SNX1: variants seen among roughly 807,000 people sequenced by gnomAD.
SNX1 encodes sorting nexin 1.
SNX1 carries 36 observed loss-of-function variants against 71.8 expected under a neutral mutation model. The ratio of observed to expected loss-of-function variants is 0.50; its 90% CI spans 0.38 to 0.66. The LOEUF is 0.66. SNX1 is among the 30% of genes least tolerant of loss of function. SNX1 has a pLI of 0.00. For missense variants in SNX1, 612 were observed against 646.7 expected (o/e 0.95, Z 0.58); for synonymous variants, 254 against 240.7 (o/e 1.06, Z -0.51).
intron 8 of SNX1, among the ~76,000 whole-genome samples, chr15:64,128,955 A>G (rs142042109): frequency 9.8e-4 from 149 of 152,238 alleles, no homozygotes; most frequent in African/African-American, 3.4e-3. Flanking sequence ...CAAGTTTAGA[A>G]CTACTGCCAG....
intron 1 of SNX1, among the ~76,000 whole-genome samples, chr15:64,110,946 G>C (rs2081072066): frequency 6.6e-6 from 1 of 152,122 alleles, no homozygotes; most frequent in African/African-American, 2.4e-5. Flanking sequence ...TTTTTAAATG[G>C]CTAAATTCTA....
At chr15:64,137,493 C>A in intron 14 of SNX1, 75 bp from the exon 15 acceptor site, 1 of 1,570,254 alleles carries the variant, frequency 6.4e-7, no homozygotes, top group Non-Finnish European at 8.7e-7. Flanking sequence ...GGGTACTGTG[C>A]TTGATTCCTC....
intron 1 of SNX1, among the ~76,000 whole-genome samples, chr15:64,105,987 A>T (rs2081017079): frequency 1.3e-5 from 2 of 152,236 alleles, no homozygotes; most frequent in Non-Finnish European, 2.9e-5. Flanking sequence ...GAAATAAAAT[A>T]CATTAAAATA....
intron 2 of SNX1, among the ~76,000 whole-genome samples, chr15:64,113,518 C>A (rs995457913): frequency 3.3e-5 from 5 of 152,110 alleles, no homozygotes; most frequent in Admixed American, 2.0e-4. Context: ...GTTGAAAAAA[C>A]CCTGTCTAAA....
At chr15:64,110,734 G>A (rs527725522) in intron 1 of SNX1, among the ~76,000 whole-genome samples, 34 of 152,306 alleles carry the variant, frequency 2.2e-4, no homozygotes, top group African/African-American at 6.5e-4. Context: ...GTTAGGTGGA[G>A]GAAGAGAGGT....
rs1320414109 is a variant in SNX1, at chr15:64,142,692, C to G, written c.*5074C>G. The stretch of plus-strand genomic sequence containing the variant: ...GATAAAAGGTATGGAACCTGCTTTC[C>G]CCTTGGCTAGTTCAGCGTTTGGGCT... On this transcript the variant is annotated 3_prime_UTR_variant, in exon 15 of 15. Transcript: ENST00000559844. The G allele has an allele frequency of 4.4e-6, 2 of 455,932 alleles. No individual in the cohort carries two copies. Among genetic ancestry groups the G allele is most frequent in the South Asian group, 1.5e-5 (1 of 64,538 alleles). The allele number at this position is 455,932 out of a possible 1,614,324, so 28.2% of individuals were successfully genotyped here.
At chr15:64,137,044 CTCCTAT>C in intron 14 of SNX1, 112 bp downstream of exon 14, 1 of 757,744 alleles carries the variant, frequency 1.3e-6, no homozygotes, top group Non-Finnish European at 2.2e-6. Flanking sequence ...GGGCTGGGCC[CTCCTAT>C]AGTCCATCAT....
chr15:64,107,184 AT>A (rs1262787719), intron 1 of SNX1, among the ~76,000 whole-genome samples: 1 of 152,066 alleles, frequency 6.6e-6, no homozygotes, highest in African/African-American at 2.4e-5. Flanking sequence ...AAATATACTA[AT>A]TTTCCCTCAA....
chr15:64,099,788 T>C (rs1328609645), intron 1 of SNX1, among the ~76,000 whole-genome samples: 1 of 152,250 alleles, frequency 6.6e-6, no homozygotes, highest in African/African-American at 2.4e-5. Context: ...CTCAGCTCAC[T>C]GCAGCCCCTG....
intron 1 of SNX1, 43 bp from the exon 2 acceptor site, chr15:64,112,530 T>G: frequency 7.0e-7 from 1 of 1,427,440 alleles, no homozygotes; most frequent in Non-Finnish European, 9.7e-7. Flanking sequence ...TTGGGTTTGT[T>G]TTTCATGGTA....
rs1468845431 is a variant in SNX1 at position 64,138,912 on chromosome 15, G to C, written c.*1294G>C. 1.3e-5 allele frequency: 2 copies of C among 152,282 alleles called. No homozygotes were observed. Among genetic ancestry groups the C allele is most frequent in the Non-Finnish European group, 2.9e-5 (2 of 68,124 alleles). 9.4% of individuals were successfully genotyped at this position (152,282 alleles called of 1,614,324 possible). A position where few individuals can be genotyped will look rare whatever the true frequency, so the allele number is the denominator to read the frequency against. On this transcript the variant is annotated 3_prime_UTR_variant, in exon 15 of 15. Transcript: ENST00000559844. ...TGCCACTGGGGCCCCAGGTCCTGCT[G>C]TATCAGTTCTCTTTGGTGGGGGGCT...
In SNX1 at chr15:64,138,540, T is replaced by C. The variant is rs112391587; in HGVS notation, c.*922T>C. 6.2e-3 allele frequency: 1,142 copies of C among 184,904 alleles called. 13 individuals carry two copies. The highest frequency in any genetic ancestry group is 0.017 in the African/African-American group (732 of 42,384). The allele number at this position is 184,904 out of a possible 1,614,324, so 11.5% of individuals were successfully genotyped here. ...ATAATGACTTGATGCTTTGTCTCCA[T>C]AGACATGAAAGCCATGCCCTCTGCC... On this transcript the variant is annotated 3_prime_UTR_variant, in exon 15 of 15. Coordinates refer to ENST00000559844, the MANE Select transcript of SNX1 (RefSeq NM_003099.5).
At chr15:64,119,737 AACACACAC>A (rs1555491445) in intron 4 of SNX1, among the ~76,000 whole-genome samples, 1 of 141,058 alleles carries the variant, frequency 7.1e-6, no homozygotes, top group South Asian at 2.2e-4. Context: ...AAAAAAAAAA[AACACACAC>A]ACACACACAA....
chr15:64,126,928 C>T (rs2140153661), intron 6 of SNX1, among the ~76,000 whole-genome samples: 1 of 152,204 alleles, frequency 6.6e-6, no homozygotes, highest in South Asian at 2.1e-4. Flanking sequence ...GGTTCCATGG[C>T]CGCCTTTTTA....
chr15:64,097,754 T>C (rs1038924640), intron 1 of SNX1, among the ~76,000 whole-genome samples: 2 of 152,254 alleles, frequency 1.3e-5, no homozygotes, highest in Admixed American at 6.5e-5. Flanking sequence ...GCTGGGTCTG[T>C]GAATTTATCT....
At chr15:64,128,220 G>T (rs1016255960) in intron 8 of SNX1, among the ~76,000 whole-genome samples, 1 of 152,226 alleles carries the variant, frequency 6.6e-6, no homozygotes, top group Non-Finnish European at 1.5e-5. Context: ...CAGGCTATGC[G>T]TAGGCTAGTC....
chr15:64,120,384 C>T (rs1188017027), intron 4 of SNX1, among the ~76,000 whole-genome samples: 1 of 150,586 alleles, frequency 6.6e-6, no homozygotes, highest in Non-Finnish European at 1.5e-5. Flanking sequence ...GTGATCCTTC[C>T]ACCTCAGCCT....
At position 64,127,745 on chromosome 15, in the gene SNX1, T is replaced by C. The variant is rs1419724753; in HGVS notation, c.746T>C (p.Ile249Thr). 3.1e-6 allele frequency: 5 copies of C among 1,613,928 alleles called. No individual in the cohort carries two copies. The highest frequency in any genetic ancestry group is 2.2e-5 in the South Asian group (2 of 91,080). Residue 249 changes from isoleucine (I) to threonine (T), a missense_variant, in exon 8 of 15, where the codon ATT (isoleucine) becomes ACT (threonine). By Grantham distance (89) the Ile-to-Thr change is moderately conservative (BLOSUM62 -1). Transcript: ENST00000559844. Reference protein sequence around the residue: ...RAALERYLQRIVNHPTMLQDP... With the variant: ...RAALERYLQRTVNHPTMLQDP... ...TTACCTTTTAGGTACCTTCAGAGGATTGTAAATCATCCTACCATGTTACAG... is the reference window on the plus strand; with the variant it reads ...TTACCTTTTAGGTACCTTCAGAGGACTGTAAATCATCCTACCATGTTACAG...
rs553033408 is a variant in SNX1 at position 64,113,040 on chromosome 15, A to G, written c.271+356A>G. Among the ~76,000 whole-genome samples the G allele has an allele frequency of 2.0e-5, 3 of 152,330 alleles. No homozygotes were observed. In the South Asian group the frequency reaches 6.2e-4, roughly 32 times the overall value. On this transcript the variant is annotated intron_variant, in intron 2 of 14. Transcript: ENST00000559844. The stretch of plus-strand genomic sequence containing the variant: ...TGTGTGACCAAGACTAGGAGTAAGA[A>G]TTGCATTTGGTGTCATAATCCAAAA...
Sources: gnomAD v4.1 joint callset for allele counts (sites outside exome capture counted in the v4.1 genomes callset) on GRCh38, gnomAD v4.1.1 for gene constraint, MANE v1.5 for transcripts, NCBI Gene and HGNC (gene_info 2026-07-23, HGNC 2026-07-21) for gene names.